ZNF142: variants seen among roughly 807,000 people sequenced by gnomAD.
ZNF142 encodes the protein zinc finger protein 142 (clone pHZ-49).
ZNF142 carries 96 observed loss-of-function variants against 132.1 expected under a neutral mutation model. The observed-to-expected ratio is 0.73, with a 90% CI of 0.62 to 0.86. The LOEUF (loss-of-function observed/expected upper bound fraction) is 0.86, where lower values mean the gene tolerates loss of function less well. Among genes scored for constraint, ZNF142 ranks in the 40% least tolerant of loss-of-function variants. The probability of loss-of-function intolerance (pLI) is 0.00; values close to 1 mark genes in which losing one functional copy is unlikely to be tolerated. For missense variants in ZNF142, 2,163 were observed against 2,336.2 expected (o/e 0.93, Z 1.53); for synonymous variants, 842 against 890.1 (o/e 0.95, Z 0.96).
At position 218,636,875 on chromosome 2, in the gene ZNF142, G is replaced by C. The variant is rs1696792392; in HGVS notation, c.*1464C>G. 2.0e-6 allele frequency: 1 copy of C among 493,038 alleles called. No homozygotes were observed. The highest frequency in any genetic ancestry group is 1.9e-5 in the African/African-American group (1 of 51,458). 30.5% of individuals were successfully genotyped at this position (493,038 alleles called of 1,614,324 possible). A position where few individuals can be genotyped will look rare whatever the true frequency, so the allele number is the denominator to read the frequency against. ...CTTGCTGTAGGCTCAATCCCATACC[G>C]ACATCTACAACTAATCTTTCCCATC... On this transcript the variant is annotated 3_prime_UTR_variant, in exon 11 of 11. Coordinates refer to ENST00000411696, the MANE Select transcript of ZNF142 (RefSeq NM_001379659.1).
Position 218,643,070 on chromosome 2 carries a change from G to A in ZNF142, c.4046C>T (p.Ala1349Val), listed in dbSNP as rs150124453. Residue 1349 changes from alanine to valine, a missense_variant, in exon 9 of 11, where the codon GCC (alanine) becomes GTC (valine). Physicochemically the swap from Ala to Val is moderately conservative, Grantham distance 64. Transcript: ENST00000411696. ...LCPFTAPAAT[A>V]LRLHQKRRHP... is the part of the protein sequence containing the mutation. ...CCTCCGCTTCTGGTGGAGCCTTAAG[G>A]CAGTGGCAGCAGGAGCAGTGAATGG... 3.1e-5 allele frequency: 49 copies of A among 1,604,180 alleles called. No individual in the cohort carries two copies. In the Admixed American group the frequency reaches 6.6e-4, roughly 22 times the overall value.
intron 5 of ZNF142, among the ~76,000 whole-genome samples, chr2:218,651,110 C>T (rs562116653): frequency 1.7e-4 from 26 of 152,090 alleles, no homozygotes; most frequent in African/African-American, 5.1e-4. Flanking sequence ...CTCAACCTCC[C>T]GAGTAACTGG....
Position 218,636,729 on chromosome 2 carries a change from A to C in ZNF142, c.*1610T>G, listed in dbSNP as rs969620404. 1.9e-5 allele frequency: 15 copies of C among 801,988 alleles called. No individual in the cohort carries two copies. Among genetic ancestry groups the C allele is most frequent in the East Asian group, 2.7e-5 (1 of 37,108 alleles). The allele number at this position is 801,988 out of a possible 1,614,324, so 49.7% of individuals were successfully genotyped here. A position where few individuals can be genotyped will look rare whatever the true frequency, so the allele number is the denominator to read the frequency against. The stretch of plus-strand genomic sequence containing the variant: ...AATTACCTCATTCTTCCTAACAAGC[A>C]ATCTGGGACCTGATTTTCCACCTTT... On this transcript the variant is annotated 3_prime_UTR_variant, in exon 11 of 11. Coordinates refer to ENST00000411696, the MANE Select transcript of ZNF142 (RefSeq NM_001379659.1).
rs1696744900 is a variant in ZNF142 at position 218,636,317 on chromosome 2, G to A, written c.*2022C>T. 7.4e-6 allele frequency: 12 copies of A among 1,614,032 alleles called. No homozygotes were observed. In the East Asian group the frequency reaches 2.7e-4, roughly 36 times the overall value. On this transcript the variant is annotated 3_prime_UTR_variant, in exon 11 of 11. Coordinates refer to ENST00000411696, the MANE Select transcript of ZNF142 (RefSeq NM_001379659.1). ...TGAACTTGCCATGCTGCGTTTTGTG[G>A]TAATGGATTATGACTGGAAATCCCG... is the stretch of plus-strand genomic sequence containing the variant.
rs1696870855 is a variant in ZNF142 at position 218,638,307 on chromosome 2, C to T, written c.*32G>A. On this transcript the variant is annotated 3_prime_UTR_variant, in exon 11 of 11. Coordinates refer to ENST00000411696, the MANE Select transcript of ZNF142 (RefSeq NM_001379659.1). ...CCCAGTCTGCACATCTCAGACCATA[C>T]CCTCTTCCTATACAGGAGGTGGGGC... 1.3e-6 allele frequency: 2 copies of T among 1,485,526 alleles called. No homozygotes were observed. Among genetic ancestry groups the T allele is most frequent in the Non-Finnish European group, 1.8e-6 (2 of 1,117,184 alleles). 92.0% of individuals were successfully genotyped at this position (1,485,526 alleles called of 1,614,324 possible).
chr2:218,656,300 A>G lies in ZNF142; in HGVS notation c.130T>C (p.Cys44Arg). Reference sequence around the variant, plus strand: ...ATAGGTGCAGGGTCCCGGGAAGGACAGGGGCTCTGGACAGGCCCCAGGATT... The same window carrying G: ...ATAGGTGCAGGGTCCCGGGAAGGACGGGGGCTCTGGACAGGCCCCAGGATT... ...RGILGPVQSP[C>R]PSRDPAPIPT... is the part of the protein sequence containing the mutation. Residue 44 changes from cysteine (C) to arginine (R), a missense_variant, in exon 4 of 11, where the codon TGT (cysteine) becomes CGT (arginine). Around this residue, in one of 7 missense-constraint regions of ZNF142, gnomAD observed 195 missense variants for 172.4 expected, o/e 1.13. Coordinates refer to ENST00000411696, the MANE Select transcript of ZNF142 (RefSeq NM_001379659.1). 5 of 1,611,888 alleles carry G rather than the reference A, an allele frequency of 3.1e-6. No individual in the cohort carries two copies. Among genetic ancestry groups the G allele is most frequent in the Non-Finnish European group, 3.4e-6 (4 of 1,178,854 alleles).
rs1696552294 is a variant in ZNF142, at chr2:218,634,010, C to A, written c.*4329G>T. ...AACTTTCTGGAGCCAGCTTCAGATG[C>A]TGGAGAGAAGGGTGAAGAGTAGGCA... On this transcript the variant is annotated 3_prime_UTR_variant, in exon 11 of 11. Transcript: ENST00000411696. This position sits in a 1 kb window ranked among gnomAD's most constrained non-coding sequence, Gnocchi z 4.0. 1.3e-6 allele frequency: 2 copies of A among 1,481,858 alleles called. No individual in the cohort carries two copies. The highest frequency in any genetic ancestry group is 1.8e-6 in the Non-Finnish European group (2 of 1,097,496). 91.8% of individuals were successfully genotyped at this position (1,481,858 alleles called of 1,614,324 possible). A position where few individuals can be genotyped will look rare whatever the true frequency, so the allele number is the denominator to read the frequency against.
rs769049861 is a variant in ZNF142 at position 218,643,556 on chromosome 2, G to A, written c.3560C>T (p.Ala1187Val). The change falls in exon 9 of 11, where the codon GCA becomes GTA. Residue 1187 changes from alanine (A) to valine (V), a missense_variant. By Grantham distance (64) the Ala-to-Val change is moderately conservative (BLOSUM62 0). This residue lies in a region of ZNF142 where 809 missense variants were observed against 801.7 expected (regional missense o/e 1.01). Coordinates refer to ENST00000411696, the MANE Select transcript of ZNF142 (RefSeq NM_001379659.1). ...GGCCTCCGTGGGTGAGGAGTTTCCT[G>A]CAGGAGGGACTGGGTCAAAGCAGTG... ...KKHCFDPVPP[A>V]GNSSPTEAPK... The A allele has an allele frequency of 1.2e-6, 2 of 1,604,926 alleles. No homozygotes were observed. The highest frequency in any genetic ancestry group is 8.5e-7 in the Non-Finnish European group (1 of 1,174,768).
At position 218,633,488 on chromosome 2, in the gene ZNF142, C is replaced by G; in HGVS notation, c.*4851G>C. 8.2e-7 allele frequency: 1 copy of G among 1,218,172 alleles called. No individual in the cohort carries two copies. Among genetic ancestry groups the G allele is most frequent in the Non-Finnish European group, 1.2e-6 (1 of 835,612 alleles). 75.5% of individuals were successfully genotyped at this position (1,218,172 alleles called of 1,614,324 possible). On this transcript the variant is annotated 3_prime_UTR_variant, in exon 11 of 11. Coordinates refer to ENST00000411696, the MANE Select transcript of ZNF142 (RefSeq NM_001379659.1). Reference sequence around the variant, plus strand: ...CCTTCTCTTGTCCCGGCAGGTGAGGCAGGAGGGAGAATACAGTGGGGAGGC... The same window carrying G: ...CCTTCTCTTGTCCCGGCAGGTGAGGGAGGAGGGAGAATACAGTGGGGAGGC...
rs370295599 is a variant in ZNF142 at position 218,642,220 on chromosome 2, T to C, written c.4896A>G (p.Thr1632=). ...PPLHCPFCDF[T]CRHQLVLDHH... ...GATCTAGTACCAGCTGATGGCGGCA[T>C]GTGAAGTCACAAAAGGGGCAGTGTA... is the stretch of plus-strand genomic sequence containing the variant. Residue 1632 remains threonine, a synonymous_variant, in exon 9 of 11, where the codon ACA becomes ACG. Coordinates refer to ENST00000411696, the MANE Select transcript of ZNF142 (RefSeq NM_001379659.1). The surrounding 1 kb of genome is among the most constrained non-coding windows in gnomAD (Gnocchi z 4.6). 1.2e-5 allele frequency: 19 copies of C among 1,614,192 alleles called. No individual in the cohort carries two copies. In the East Asian group the frequency reaches 2.0e-4, roughly 17 times the overall value.
chr2:218,636,292 T>C lies in ZNF142; in HGVS notation c.*2047A>G, dbSNP rs1696743089. 1 of 1,613,938 alleles carries C rather than the reference T, an allele frequency of 6.2e-7. No homozygotes were observed. ...CACTATGTTTCCGGGTGCTGGTGCC[T>C]GAACTTGCCATGCTGCGTTTTGTGG... On this transcript the variant is annotated 3_prime_UTR_variant, in exon 11 of 11. Transcript: ENST00000411696.
In ZNF142 at chr2:218,635,834, C is replaced by A; in HGVS notation, c.*2505G>T. On this transcript the variant is annotated 3_prime_UTR_variant, in exon 11 of 11. Transcript: ENST00000411696. ...AGCAACTCCCCAAAGTGGACAAGAC[C>A]AAAGAGGGGTCCATTGTGGATCCAC... is the stretch of plus-strand genomic sequence containing the variant. 1 of 1,613,718 alleles carries A rather than the reference C, an allele frequency of 6.2e-7. No individual in the cohort carries two copies. The highest frequency in any genetic ancestry group is 8.5e-7 in the Non-Finnish European group (1 of 1,179,834).
Position 218,636,484 on chromosome 2 carries a change from T to C in ZNF142, c.*1855A>G, listed in dbSNP as rs771282062. 6.2e-7 allele frequency: 1 copy of C among 1,613,898 alleles called. No homozygotes were observed. Among genetic ancestry groups the C allele is most frequent in the Non-Finnish European group, 8.5e-7 (1 of 1,179,894 alleles). ...TGCCCCTTCCAGGTTACCGCCACAT[T>C]CACCTGCTGTCCAAAGATGGCATCA... is the stretch of plus-strand genomic sequence containing the variant. On this transcript the variant is annotated 3_prime_UTR_variant, in exon 11 of 11. Coordinates refer to ENST00000411696, the MANE Select transcript of ZNF142 (RefSeq NM_001379659.1).
rs1937758312 is a variant in ZNF142 at position 218,649,351 on chromosome 2, A to T, written c.1157T>A (p.Phe386Tyr). 1 of 1,614,074 alleles carries T rather than the reference A, an allele frequency of 6.2e-7. No homozygotes were observed. Among genetic ancestry groups the T allele is most frequent in the Non-Finnish European group, 8.5e-7 (1 of 1,180,040 alleles). ...THLVEHLHLH[F>Y]PDPSLQCPNC... The stretch of plus-strand genomic sequence containing the variant: ...AGGGCACTGGAGGCTGGGGTCTGGG[A>T]AGTGGAGATGCAGGTGCTCCACCAG... The change falls in exon 7 of 11, where the codon TTC (phenylalanine) becomes TAC (tyrosine). Residue 386 changes from phenylalanine (F) to tyrosine (Y), a missense_variant. By Grantham distance (22) the Phe-to-Tyr change is conservative. Coordinates refer to ENST00000411696, the MANE Select transcript of ZNF142 (RefSeq NM_001379659.1).
chr2:218,634,119 C>T lies in ZNF142; in HGVS notation c.*4220G>A, dbSNP rs1350060613. Reference sequence around the variant, plus strand: ...CCCTTTTACAGGCAATGAGTTTGTGCAGCACAATACTTGGCAGTTAAGCCG... The same window carrying T: ...CCCTTTTACAGGCAATGAGTTTGTGTAGCACAATACTTGGCAGTTAAGCCG... On this transcript the variant is annotated 3_prime_UTR_variant, in exon 11 of 11. Transcript: ENST00000411696. This position sits in a 1 kb window ranked among gnomAD's most constrained non-coding sequence, Gnocchi z 4.0. 1.2e-6 allele frequency: 2 copies of T among 1,610,806 alleles called. No homozygotes were observed. Among genetic ancestry groups the T allele is most frequent in the South Asian group, 1.1e-5 (1 of 90,302 alleles).
At chr2:218,640,618 G>C in intron 10 of ZNF142, 46 bp downstream of exon 10, 1 of 1,576,648 alleles carries the variant, frequency 6.3e-7, no homozygotes, top group African/African-American at 1.3e-5. Flanking sequence ...AGGTTTGCCA[G>C]GGAACAAAGG....
At chr2:218,655,843 AGGACTGTAAGAGTAG>A (rs1938431389) in intron 4 of ZNF142, among the ~76,000 whole-genome samples, 1 of 152,154 alleles carries the variant, frequency 6.6e-6, no homozygotes, top group African/African-American at 2.4e-5. Context: ...AGAATCTCCA[AGGACTGTAAGAGTAG>A]GGACAAGCCA....
At chr2:218,657,710 G>A (rs1055628305) in intron 3 of ZNF142, among the ~76,000 whole-genome samples, 1 of 152,130 alleles carries the variant, frequency 6.6e-6, no homozygotes, top group Non-Finnish European at 1.5e-5. Context: ...GATTACAGGC[G>A]TGAGGCACCG....
In ZNF142 at chr2:218,644,366, T is replaced by G. The variant is rs752917093; in HGVS notation, c.2750A>C (p.Glu917Ala). The change falls in exon 9 of 11, where the codon GAA becomes GCA. Residue 917 changes from glutamate (E) to alanine (A), a missense_variant. By Grantham distance (107) the Glu-to-Ala change is moderately radical. Transcript: ENST00000411696. The surrounding 1 kb of genome is among the most constrained non-coding windows in gnomAD (Gnocchi z 4.6). ...GGGCCTGAACTCCATAGGGGCTGTT[T>G]CAGTGACCTCCTCAAGGGGTGGCTC... ...VTEPPLEEVTETAPMEFRPLG... is the reference protein window; with the variant it reads ...VTEPPLEEVTATAPMEFRPLG... 1 of 1,614,078 alleles carries G rather than the reference T, an allele frequency of 6.2e-7. No individual in the cohort carries two copies. The highest frequency in any genetic ancestry group is 8.5e-7 in the Non-Finnish European group (1 of 1,179,998).
Sources: gnomAD v4.1 joint callset for allele counts (sites outside exome capture counted in the v4.1 genomes callset) on GRCh38, gnomAD v4.1.1 for gene constraint, gnomAD v4.1.1 regional missense constraint, Gnocchi (gnomAD v3.1) non-coding constraint, MANE v1.5 for transcripts, NCBI Gene and HGNC (gene_info 2026-07-23, HGNC 2026-07-21) for gene names.